MAGI2: variants seen among roughly 807,000 people sequenced by gnomAD.
MAGI2 encodes the protein membrane-associated guanylate kinase, WW and PDZ domain-containing protein 2.
In MAGI2, 35 loss-of-function variants were observed where a neutral mutation model predicts 133.3. That is an observed-to-expected ratio of 0.26 (90% confidence interval 0.20 to 0.35). The LOEUF is 0.35. MAGI2 is among the 10% of genes least tolerant of loss of function. MAGI2 has a pLI of 1.00. For synonymous variants in MAGI2, 729 were observed against 710.6 expected (o/e 1.03, Z -0.41); for missense variants, 1,636 against 1,863.4 (o/e 0.88, Z 2.25).
chr7:78,874,070 A>G (rs939704050), intron 2 of MAGI2, among the ~76,000 whole-genome samples: 1 of 152,246 alleles, frequency 6.6e-6, no homozygotes, highest in Non-Finnish European at 1.5e-5. Flanking sequence ...GAGAATAACC[A>G]TATATGAAAT....
At chr7:78,757,725 C>A (rs892477233) in intron 2 of MAGI2, among the ~76,000 whole-genome samples, 5 of 152,136 alleles carry the variant, frequency 3.3e-5, no homozygotes, top group Non-Finnish European at 7.4e-5. Flanking sequence ...GGTGTGACTT[C>A]TTGGTCTCTT....
chr7:78,233,893 C>A (rs994679658), intron 10 of MAGI2, among the ~76,000 whole-genome samples: 2 of 152,040 alleles, frequency 1.3e-5, no homozygotes, highest in African/African-American at 4.8e-5. Context: ...AAGGTAGTTT[C>A]CTTAGCATGA....
chr7:78,296,526 C>G (rs565837441), intron 9 of MAGI2, among the ~76,000 whole-genome samples: 1 of 152,288 alleles, frequency 6.6e-6, no homozygotes, highest in South Asian at 2.1e-4. Context: ...TTTGCATTCT[C>G]TCTCTCCCAC....
intron 6 of MAGI2, among the ~76,000 whole-genome samples, chr7:78,457,830 T>G (rs2151499519): frequency 1.3e-5 from 2 of 152,306 alleles, no homozygotes; most frequent in South Asian, 2.1e-4. Context: ...TCAAATCCAC[T>G]TCTGTATCTC....
chr7:78,396,546 C>G (rs754514644), intron 6 of MAGI2, among the ~76,000 whole-genome samples: 89 of 152,292 alleles, frequency 5.8e-4, no homozygotes, highest in Middle Eastern at 3.4e-3. Context: ...CTTCACCATG[C>G]TATCTGAAAT....
rs545630763 is a variant in MAGI2 at position 78,982,827 on chromosome 7, A to T, written c.418+24263T>A. On this transcript the variant is annotated intron_variant, in intron 2 of 21. Transcript: ENST00000354212. ...TTCTACTTTGTCTAAGAGTAACTAA[A>T]AAGCCAAAGAGGATGAAAATGGAAA... is the stretch of plus-strand genomic sequence containing the variant. Among the ~76,000 whole-genome samples the T allele has an allele frequency of 1.7e-3, 256 of 151,968 alleles. 3 individuals carry two copies. Among genetic ancestry groups the T allele is most frequent in the African/African-American group, 6.1e-3 (253 of 41,454 alleles).
chr7:78,953,907 G>A (rs1802071089), intron 2 of MAGI2, among the ~76,000 whole-genome samples: 1 of 152,064 alleles, frequency 6.6e-6, no homozygotes, highest in South Asian at 2.1e-4. Flanking sequence ...GTGAAAAAGA[G>A]GAATGATGAC....
rs1807926739 is a variant in MAGI2, at chr7:78,017,974, ATG to A, written c.*1339_*1340del. The stretch of plus-strand genomic sequence containing the variant: ...CTTCAGAAACACTTTGCCTTTTAAT[ATG>A]TGTAGCTACAGTAAGTACCAATGGC... On this transcript the variant is annotated 3_prime_UTR_variant, in exon 22 of 22. Transcript: ENST00000354212. 6.6e-6 allele frequency: 1 copy of A among 152,268 alleles called. No individual in the cohort carries two copies. The highest frequency in any genetic ancestry group is 2.1e-4 in the South Asian group (1 of 4,836). 9.4% of individuals were successfully genotyped at this position (152,268 alleles called of 1,614,324 possible). A position where few individuals can be genotyped will look rare whatever the true frequency, so the allele number is the denominator to read the frequency against.
intron 2 of MAGI2, among the ~76,000 whole-genome samples, chr7:78,764,543 A>AT (rs201164504): frequency 3.3e-5 from 5 of 152,270 alleles, no homozygotes; most frequent in Admixed American, 6.5e-5. Flanking sequence ...CCATTTAATG[A>AT]TTTTTTCCCC....
intron 1 of MAGI2, among the ~76,000 whole-genome samples, chr7:79,037,256 A>G (rs539750589): frequency 9.2e-5 from 14 of 152,310 alleles, no homozygotes; most frequent in African/African-American, 3.4e-4. Flanking sequence ...TTTGACAGTC[A>G]TTGTGTAAAA....
At chr7:79,257,702 A>G (rs1007543978) in intron 1 of MAGI2, among the ~76,000 whole-genome samples, 3 of 152,240 alleles carry the variant, frequency 2.0e-5, no homozygotes, top group Admixed American at 1.3e-4. Context: ...GGACTGCTCT[A>G]AAACAAATTA....
chr7:78,343,988 G>C, intron 8 of MAGI2, 28 bp from the exon 9 acceptor site: 1 of 1,590,170 alleles, frequency 6.3e-7, no homozygotes, highest in Non-Finnish European at 8.5e-7. Context: ...AGTTAAAAAA[G>C]AAAAAGGCAT....
At chr7:78,209,508 A>G (rs1304740687) in intron 10 of MAGI2, among the ~76,000 whole-genome samples, 1 of 151,736 alleles carries the variant, frequency 6.6e-6, no homozygotes. Flanking sequence ...TGATCTGCCC[A>G]CCATGGCTTC....
intron 2 of MAGI2, among the ~76,000 whole-genome samples, chr7:78,966,325 C>G (rs756806858): frequency 2.6e-4 from 39 of 152,122 alleles, no homozygotes; most frequent in Admixed American, 2.0e-3. Context: ...TGTTGAACAG[C>G]AACCCTCCAT....
intron 2 of MAGI2, among the ~76,000 whole-genome samples, chr7:78,772,625 C>T (rs1480656118): frequency 6.6e-6 from 1 of 152,200 alleles, no homozygotes; most frequent in Non-Finnish European, 1.5e-5. Flanking sequence ...CCTCCATCAA[C>T]ACCTAAAATG....
At chr7:79,325,549 T>C (rs1839624375) in intron 1 of MAGI2, among the ~76,000 whole-genome samples, 1 of 152,274 alleles carries the variant, frequency 6.6e-6, no homozygotes, top group African/African-American at 2.4e-5. Flanking sequence ...AAAGAAGAGT[T>C]AACTGTTGCT....
chr7:78,241,772 C>G (rs1001489262), intron 10 of MAGI2, among the ~76,000 whole-genome samples: 1 of 151,562 alleles, frequency 6.6e-6, no homozygotes, highest in Non-Finnish European at 1.5e-5. Context: ...GTCTCTACTA[C>G]TAATAAAAAA....
chr7:79,377,921 T>C (rs1843488795), intron 1 of MAGI2, among the ~76,000 whole-genome samples: 2 of 151,830 alleles, frequency 1.3e-5, no homozygotes, highest in Admixed American at 6.6e-5. Context: ...GGAGATATTA[T>C]TAATGAATGC....
At chr7:78,929,651 T>C (rs913896514) in intron 2 of MAGI2, among the ~76,000 whole-genome samples, 11 of 152,036 alleles carry the variant, frequency 7.2e-5, no homozygotes, top group African/African-American at 2.4e-4. Context: ...GTAGGCTTCT[T>C]TTATGGTTCC....
Sources: allele counts gnomAD v4.1 joint callset (sites outside exome capture counted in the v4.1 genomes callset), GRCh38; gene constraint gnomAD v4.1.1; transcripts MANE v1.5; gene names NCBI Gene and HGNC (gene_info 2026-07-23, HGNC 2026-07-21).